PIK3C2G: variants seen among roughly 807,000 people sequenced by gnomAD.
The protein encoded by PIK3C2G is phosphatidylinositol-4-phosphate 3-kinase catalytic subunit type 2 gamma.
PIK3C2G carries 168 observed loss-of-function variants against 181.1 expected under a neutral mutation model. The observed-to-expected ratio is 0.93, with a 90% CI of 0.82 to 1.05. The LOEUF (loss-of-function observed/expected upper bound fraction) is 1.05. Among genes scored for constraint, PIK3C2G ranks in the 50% least tolerant of loss-of-function variants. The pLI is 0.00. For missense variants in PIK3C2G, 1,869 were observed against 1,732.8 expected (o/e 1.08, Z -1.40); for synonymous variants, 573 against 592.2 (o/e 0.97, Z 0.47).
At chr12:18,367,795 T>G (rs1434386012) in intron 12 of PIK3C2G, among the ~76,000 whole-genome samples, 1 of 152,086 alleles carries the variant, frequency 6.6e-6, no homozygotes, top group African/African-American at 2.4e-5. Context: ...TGACCTCAGG[T>G]GATCTGCCCA....
chr12:18,330,734 C>T (rs993284485), intron 8 of PIK3C2G, among the ~76,000 whole-genome samples: 10 of 152,130 alleles, frequency 6.6e-5, no homozygotes, highest in Admixed American at 2.6e-4. Context: ...CCCTCCTGCA[C>T]ACGACTAACT....
chr12:18,582,298 G>A (rs1946540304), intron 29 of PIK3C2G, among the ~76,000 whole-genome samples: 1 of 151,958 alleles, frequency 6.6e-6, no homozygotes, highest in South Asian at 2.1e-4. Flanking sequence ...CAGAAACAGG[G>A]GAACCTCCCC....
chr12:18,488,766 T>A (rs1940289045), intron 19 of PIK3C2G, 137 bp downstream of exon 19: 1 of 522,228 alleles, frequency 1.9e-6, no homozygotes, highest in Admixed American at 4.2e-5. Context: ...TTTAGTCAAG[T>A]TTTTTTCCCC....
chr12:18,629,328 C>T (rs1443775237), intron 31 of PIK3C2G, among the ~76,000 whole-genome samples: 1 of 152,120 alleles, frequency 6.6e-6, no homozygotes, highest in African/African-American at 2.4e-5. Context: ...TACAAGGTCC[C>T]TAAGAAATGG....
the PIK3C2G span, among the ~76,000 whole-genome samples, chr12:18,680,206 C>T: frequency 6.6e-6 from 1 of 152,002 alleles, no homozygotes; most frequent in African/African-American, 2.4e-5. Context: ...TGTTCAATCC[C>T]ATAAGCATTT....
chr12:18,260,483 C>A (rs554581161), upstream of PIK3C2G, among the ~76,000 whole-genome samples: 1 of 152,190 alleles, frequency 6.6e-6, no homozygotes, highest in South Asian at 2.1e-4. Context: ...TCTGTGACCT[C>A]TCACACCTTT....
At chr12:18,394,232 C>T (rs1314865261) in intron 15 of PIK3C2G, among the ~76,000 whole-genome samples, 1 of 152,024 alleles carries the variant, frequency 6.6e-6, no homozygotes, top group Non-Finnish European at 1.5e-5. Flanking sequence ...GTAGACTCAA[C>T]CTAACAAATC....
rs528444773 is a variant in PIK3C2G at position 18,467,832 on chromosome 12, A to G, written c.2505-20617A>G. Among the ~76,000 whole-genome samples the G allele has an allele frequency of 1.3e-4, 20 of 152,078 alleles. No individual in the cohort carries two copies. In the South Asian group the frequency reaches 3.9e-3, roughly 30 times the overall value. ...TTATAGAAAGAGAAACTAGAGCACA[A>G]GTGGAAATCCCCCAAAGTAGCACAT... On this transcript the variant is annotated intron_variant, in intron 18 of 32. Transcript: ENST00000538779.
At chr12:18,419,527 C>A (rs1446552632) in intron 16 of PIK3C2G, among the ~76,000 whole-genome samples, 1 of 152,162 alleles carries the variant, frequency 6.6e-6, no homozygotes, top group Non-Finnish European at 1.5e-5. Context: ...AGCTGAACTG[C>A]TTCTAGCTTT....
chr12:18,439,300 G>A (rs764025980), intron 18 of PIK3C2G, among the ~76,000 whole-genome samples: 9 of 151,872 alleles, frequency 5.9e-5, no homozygotes, highest in Non-Finnish European at 1.3e-4. Flanking sequence ...GTCACAGATC[G>A]CCAGTTGATA....
At chr12:18,563,764 C>T (rs900606736) in intron 28 of PIK3C2G, among the ~76,000 whole-genome samples, 7 of 151,948 alleles carry the variant, frequency 4.6e-5, no homozygotes, top group South Asian at 2.1e-4. Flanking sequence ...CGTTTTTCTT[C>T]GATTATTGGG....
chr12:18,508,564 A>G (rs964437348), intron 24 of PIK3C2G, among the ~76,000 whole-genome samples: 1 of 152,104 alleles, frequency 6.6e-6, no homozygotes, highest in African/African-American at 2.4e-5. Context: ...TTATTATGTT[A>G]TGGACCCCCT....
the PIK3C2G span, among the ~76,000 whole-genome samples, chr12:18,706,582 T>C: frequency 6.6e-6 from 1 of 152,204 alleles, no homozygotes; most frequent in East Asian, 1.9e-4. Context: ...TTCTCATTGC[T>C]GTAACTTCAA....
intron 18 of PIK3C2G, among the ~76,000 whole-genome samples, chr12:18,426,402 G>C (rs1370352335): frequency 5.9e-5 from 9 of 151,858 alleles, no homozygotes; most frequent in African/African-American, 1.5e-4. Context: ...AACAAATTTT[G>C]GTTCCAATCC....
chr12:18,718,382 A>T, the PIK3C2G span, among the ~76,000 whole-genome samples: 1 of 152,200 alleles, frequency 6.6e-6, no homozygotes, highest in East Asian at 1.9e-4. Context: ...TCAAATTATG[A>T]CACTATCTTA....
intron 29 of PIK3C2G, among the ~76,000 whole-genome samples, chr12:18,587,518 A>G (rs7979335): frequency 0.22 from 33,090 of 152,024 alleles, 3,642 homozygotes; most frequent in African/African-American, 0.26. Flanking sequence ...TGATCTCTAC[A>G]ATGAGAATTA....
At chr12:18,544,483 T>C (rs1944319773) in intron 25 of PIK3C2G, among the ~76,000 whole-genome samples, 1 of 151,672 alleles carries the variant, frequency 6.6e-6, no homozygotes. Context: ...CAAATGAAGA[T>C]GAGGGGCTGA....
At chr12:18,265,849 AC>A (rs1465649924) in intron 1 of PIK3C2G, among the ~76,000 whole-genome samples, 4 of 151,810 alleles carry the variant, frequency 2.6e-5, no homozygotes, top group Non-Finnish European at 2.9e-5. Flanking sequence ...CCTCATCTCT[AC>A]TAAAAATATA....
chr12:18,532,816 A>G (rs1191903519), intron 24 of PIK3C2G, among the ~76,000 whole-genome samples: 3 of 150,902 alleles, frequency 2.0e-5, no homozygotes, highest in African/African-American at 7.3e-5. Context: ...TGTAGGGGAG[A>G]AGTGGTGTCA....
Sources: gnomAD v4.1 joint callset for allele counts (sites outside exome capture counted in the v4.1 genomes callset) on GRCh38, gnomAD v4.1.1 for gene constraint, MANE v1.5 for transcripts, NCBI Gene and HGNC (gene_info 2026-07-23, HGNC 2026-07-21) for gene names.